LRFN5: variants seen among roughly 807,000 people sequenced by gnomAD.
LRFN5 encodes the protein leucine rich repeat and fibronectin type III domain containing 5.
LRFN5 carries 24 observed loss-of-function variants against 45.6 expected under a neutral mutation model. The observed-to-expected ratio is 0.53, with a 90% CI of 0.38 to 0.74. The LOEUF is 0.74. LRFN5 is among the 30% of genes least tolerant of loss of function. The pLI is 0.00. For missense variants in LRFN5, 776 were observed against 861.5 expected (o/e 0.90, Z 1.24); for synonymous variants, 340 against 313.8 (o/e 1.08, Z -0.88).
intron 1 of LRFN5, among the ~76,000 whole-genome samples, chr14:41,622,335 A>G (rs1888165758): frequency 6.6e-6 from 1 of 152,086 alleles, no homozygotes; most frequent in Non-Finnish European, 1.5e-5. Flanking sequence ...TTACAGCAAA[A>G]TATTTGAAAT....
At chr14:41,762,246 A>C (rs2138871793) in intron 1 of LRFN5, among the ~76,000 whole-genome samples, 1 of 152,168 alleles carries the variant, frequency 6.6e-6, no homozygotes, top group East Asian at 1.9e-4. Flanking sequence ...GCAGTAATAA[A>C]ATTTTTAGGT....
intron 2 of LRFN5, among the ~76,000 whole-genome samples, chr14:41,835,803 A>T (rs1888642124): frequency 6.6e-6 from 1 of 152,196 alleles, no homozygotes; most frequent in South Asian, 2.1e-4. Context: ...GGAAATGCAG[A>T]TAAAAATCTT....
intron 1 of LRFN5, among the ~76,000 whole-genome samples, chr14:41,626,172 A>G (rs139154694): frequency 0.011 from 1,733 of 152,208 alleles, 39 homozygotes; most frequent in African/African-American, 0.04. Flanking sequence ...ATAGTAATAA[A>G]AAACAAATAC....
chr14:41,705,705 C>T (rs1289749137), intron 1 of LRFN5, among the ~76,000 whole-genome samples: 1 of 152,122 alleles, frequency 6.6e-6, no homozygotes, highest in Non-Finnish European at 1.5e-5. Flanking sequence ...TTCCATATGT[C>T]TCATTATGCT....
In LRFN5 at chr14:41,688,964, C is replaced by G. The variant is rs982457294; in HGVS notation, c.-196-77890C>G. ...AAAAGCTGGGTGTTGGGGTGTATGA[C>G]TGTAGTTGGAGTCCCAGCTACTTAG... On this transcript the variant is annotated intron_variant, in intron 1 of 5. Transcript: ENST00000298119. Among the ~76,000 whole-genome samples the G allele has an allele frequency of 2.0e-5, 3 of 150,160 alleles. No individual in the cohort carries two copies. In the South Asian group the frequency reaches 6.3e-4, roughly 32 times the overall value.
chr14:41,793,076 C>G (rs1361532626), intron 2 of LRFN5, among the ~76,000 whole-genome samples: 1 of 151,018 alleles, frequency 6.6e-6, no homozygotes, highest in Non-Finnish European at 1.5e-5. Context: ...TGCAGCGCAC[C>G]AGCATGGCAC....
At chr14:41,611,182 T>C (rs2138537264) in intron 1 of LRFN5, among the ~76,000 whole-genome samples, 1 of 152,288 alleles carries the variant, frequency 6.6e-6, no homozygotes, top group African/African-American at 2.4e-5. Context: ...TGAACATAGA[T>C]GATGGTGTGA....
intron 2 of LRFN5, among the ~76,000 whole-genome samples, chr14:41,872,363 T>C (rs117210519): frequency 0.014 from 2,205 of 152,332 alleles, 25 homozygotes; most frequent in Non-Finnish European, 0.023. Context: ...CTTGAATGCA[T>C]GCTATGTTTT....
At chr14:41,794,740 A>T (rs1040190893) in intron 2 of LRFN5, among the ~76,000 whole-genome samples, 9 of 151,988 alleles carry the variant, frequency 5.9e-5, no homozygotes, top group African/African-American at 2.2e-4. Context: ...GCTAGTCAGA[A>T]ATTGTAGAAG....
chr14:41,675,051 C>T (rs542749462), intron 1 of LRFN5, among the ~76,000 whole-genome samples: 20 of 149,854 alleles, frequency 1.3e-4, no homozygotes, highest in Middle Eastern at 6.8e-3. Context: ...GGATGGCGGC[C>T]AGGAAGAGGC....
At chr14:41,753,116 T>C (rs1019620534) in intron 1 of LRFN5, among the ~76,000 whole-genome samples, 4 of 152,084 alleles carry the variant, frequency 2.6e-5, no homozygotes, top group Non-Finnish European at 4.4e-5. Context: ...TTCTGTTCCA[T>C]TGGTCTATAT....
At chr14:41,759,207 TA>T (rs1885541982) in intron 1 of LRFN5, among the ~76,000 whole-genome samples, 2 of 152,196 alleles carry the variant, frequency 1.3e-5, no homozygotes, top group Admixed American at 1.3e-4. Flanking sequence ...CTCGTGCTTG[TA>T]GATATTTCTC....
At chr14:41,834,244 T>G (rs1193023443) in intron 2 of LRFN5, among the ~76,000 whole-genome samples, 1 of 152,226 alleles carries the variant, frequency 6.6e-6, no homozygotes, top group Non-Finnish European at 1.5e-5. Context: ...AATAATTAGC[T>G]GAAAATCTTA....
intron 2 of LRFN5, among the ~76,000 whole-genome samples, chr14:41,780,127 T>G (rs1048969495): frequency 9.9e-5 from 15 of 151,910 alleles, no homozygotes; most frequent in African/African-American, 3.6e-4. Context: ...TAAGTTATGG[T>G]TTAAGTTTTG....
At chr14:41,803,363 T>A (rs1887405458) in intron 2 of LRFN5, among the ~76,000 whole-genome samples, 1 of 152,020 alleles carries the variant, frequency 6.6e-6, no homozygotes, top group African/African-American at 2.4e-5. Flanking sequence ...CTTTTTTTTT[T>A]CTTTTTGAGA....
intron 2 of LRFN5, among the ~76,000 whole-genome samples, chr14:41,849,434 A>G (rs1889185869): frequency 6.6e-6 from 1 of 151,444 alleles, no homozygotes; most frequent in Non-Finnish European, 1.5e-5. Context: ...AGATTTTCTT[A>G]GTGTGGTTAA....
At chr14:41,729,395 G>A (rs1884073505) in intron 1 of LRFN5, among the ~76,000 whole-genome samples, 3 of 152,004 alleles carry the variant, frequency 2.0e-5, no homozygotes, top group Admixed American at 1.3e-4. Context: ...TGCAATAGAA[G>A]CAGATGCCAG....
At chr14:41,686,524 A>G (rs1000353344) in intron 1 of LRFN5, among the ~76,000 whole-genome samples, 1 of 151,892 alleles carries the variant, frequency 6.6e-6, no homozygotes, top group Non-Finnish European at 1.5e-5. Context: ...GTGGTGAGAG[A>G]GGGCATCCTT....
At chr14:41,724,793 A>G (rs951633664) in intron 1 of LRFN5, among the ~76,000 whole-genome samples, 2 of 152,174 alleles carry the variant, frequency 1.3e-5, no homozygotes, top group African/African-American at 4.8e-5. Context: ...CCTTATGAGA[A>G]TCATGTCAGT....
Sources: gnomAD v4.1 joint callset for allele counts (sites outside exome capture counted in the v4.1 genomes callset) on GRCh38, gnomAD v4.1.1 for gene constraint, MANE v1.5 for transcripts, NCBI Gene and HGNC (gene_info 2026-07-23, HGNC 2026-07-21) for gene names.